The following CCDC93 variants were observed in gnomAD, a reference collection of about 807,000 sequenced individuals.
CCDC93 encodes the protein coiled-coil domain-containing protein 93.
In CCDC93, 61 loss-of-function variants were observed where a neutral mutation model predicts 108.2. That is an observed-to-expected ratio of 0.56 (90% CI 0.46 to 0.70). The LOEUF (loss-of-function observed/expected upper bound fraction) is 0.70. Among genes scored for constraint, CCDC93 ranks in the 30% least tolerant of loss-of-function variants. The pLI is 0.00. For synonymous variants in CCDC93, 276 were observed against 260.4 expected, an observed-to-expected ratio of 1.06 and a Z score of -0.58; for missense variants, 685 against 764.2, an observed-to-expected ratio of 0.90 and a Z score of 1.22.
chr2:117,941,342 C>T, intron 18 of CCDC93, 45 bp from the exon 19 acceptor site: 2 of 1,508,096 alleles, frequency 1.3e-6, no homozygotes, highest in South Asian at 2.3e-5. Context: ...TGGTAAAAGG[C>T]CTTACATGTT....
chr2:117,974,261 C>T (rs530646938), intron 10 of CCDC93, among the ~76,000 whole-genome samples: 2 of 152,216 alleles, frequency 1.3e-5, no homozygotes, highest in African/African-American at 4.8e-5. Context: ...TCCTTCCCTT[C>T]TATGTACCAC....
rs1677684788 is a variant in CCDC93 at position 117,916,316 on chromosome 2, C to T, written c.*4027G>A. The T allele has an allele frequency of 2.9e-5, 4 of 135,980 alleles. No homozygotes were observed. The Admixed American group carries it at 3.1e-4, about 10-fold the overall frequency. 8.4% of individuals were successfully genotyped at this position (135,980 alleles called of 1,614,324 possible). A position where few individuals can be genotyped will look rare whatever the true frequency, so the allele number is the denominator to read the frequency against. Reference sequence around the variant, plus strand: ...TAACATTAGTGTAGTTCTTCCCTCTCTTTTTCCCTTCTTAGGGAATAAAAA... The same window carrying T: ...TAACATTAGTGTAGTTCTTCCCTCTTTTTTTCCCTTCTTAGGGAATAAAAA... On this transcript the variant is annotated 3_prime_UTR_variant, in exon 24 of 24. Transcript: ENST00000376300.
chr2:117,999,490 T>C (rs1680766466), intron 4 of CCDC93: 2 of 152,048 alleles, frequency 1.3e-5, no homozygotes, highest in Admixed American at 6.6e-5. Flanking sequence ...TCTAATAGAG[T>C]CAGATGGGAA....
chr2:117,938,078 A>AT (rs1678577885), intron 20 of CCDC93, among the ~76,000 whole-genome samples: 1 of 152,212 alleles, frequency 6.6e-6, no homozygotes, highest in Non-Finnish European at 1.5e-5. Flanking sequence ...CCTCAAGGTG[A>AT]GGGGGAGGGT....
chr2:117,924,773 A>G (rs922500773), intron 23 of CCDC93, among the ~76,000 whole-genome samples: 24 of 152,318 alleles, frequency 1.6e-4, no homozygotes, highest in African/African-American at 5.8e-4. Context: ...TAGGAAATAC[A>G]GAGAATGCCA....
At chr2:117,947,897 T>G in intron 15 of CCDC93, 1 of 478,140 alleles carries the variant, frequency 2.1e-6, no homozygotes, top group African/African-American at 2.0e-5. Flanking sequence ...GGTTTCACAG[T>G]GTTAGCCAGG....
intron 20 of CCDC93, among the ~76,000 whole-genome samples, chr2:117,937,129 G>A (rs1265088710): frequency 1.3e-5 from 2 of 152,204 alleles, no homozygotes. Context: ...CAGCTTACGG[G>A]AGTCAGACAG....
At position 117,915,713 on chromosome 2, in the gene CCDC93, C is replaced by T. The variant is rs1052708714; in HGVS notation, c.*4630G>A. ...GCTGCCGGGCTGCTAGATATCCTCC[C>T]AGAGACATCCTAGGCATATGCAGGT... On this transcript the variant is annotated 3_prime_UTR_variant, in exon 24 of 24. Coordinates refer to ENST00000376300, the MANE Select transcript of CCDC93 (RefSeq NM_019044.5). 6.6e-6 allele frequency: 1 copy of T among 152,198 alleles called. No homozygotes were observed. Among genetic ancestry groups the T allele is most frequent in the African/African-American group, 2.4e-5 (1 of 41,456 alleles). The allele number at this position is 152,198 out of a possible 1,614,324, so 9.4% of individuals were successfully genotyped here.
intron 6 of CCDC93, 91 bp from the exon 7 acceptor site, chr2:117,986,160 CTTT>C (rs763304100): frequency 0.011 from 3,151 of 274,776 alleles, no homozygotes; most frequent in Middle Eastern, 0.016. Flanking sequence ...GGTATATTCT[CTTT>C]TTTTTTTTTT....
chr2:117,941,334 G>A (rs764621924), intron 18 of CCDC93, 37 bp from the exon 19 acceptor site: 127 of 1,542,120 alleles, frequency 8.2e-5, no homozygotes, highest in Non-Finnish European at 1.0e-4. Flanking sequence ...GTACTATTTG[G>A]TAAAAGGCCT....
At chr2:117,966,245 G>A (rs1484824477) in intron 11 of CCDC93, among the ~76,000 whole-genome samples, 1 of 152,308 alleles carries the variant, frequency 6.6e-6, no homozygotes, top group East Asian at 1.9e-4. Flanking sequence ...ATGGGCCTGG[G>A]GAGAAATCTG....
chr2:117,946,251 T>C (rs1678870894), intron 16 of CCDC93, among the ~76,000 whole-genome samples: 1 of 152,226 alleles, frequency 6.6e-6, no homozygotes, highest in Admixed American at 6.5e-5. Flanking sequence ...TCAAGTTCCC[T>C]GTTTCTTACA....
chr2:118,008,587 C>T lies in CCDC93; in HGVS notation c.114G>A (p.Gly38=). 6.8e-6 allele frequency: 11 copies of T among 1,613,534 alleles called. No homozygotes were observed. The highest frequency in any genetic ancestry group is 7.6e-6 in the Non-Finnish European group (9 of 1,179,464). ...AGCCTTTAATTCTTGCCCTGAAATA[C>T]CCAGCTGCAACCAAGAGCTCCAGAA... ...TEILELLVAA[G]YFRARIKGLS... is the part of the protein sequence containing the mutation. The change falls in exon 2 of 24, where the codon GGG becomes GGA. Residue 38 remains glycine, a synonymous_variant. Transcript: ENST00000376300.
chr2:117,987,832 T>C (rs1410445628), intron 6 of CCDC93, among the ~76,000 whole-genome samples: 1 of 152,200 alleles, frequency 6.6e-6, no homozygotes, highest in Non-Finnish European at 1.5e-5. Context: ...GTGGTAGCAA[T>C]TGTAATAGTT....
At chr2:117,938,723 T>G (rs1281453339) in intron 20 of CCDC93, among the ~76,000 whole-genome samples, 1 of 152,170 alleles carries the variant, frequency 6.6e-6, no homozygotes, top group Non-Finnish European at 1.5e-5. Context: ...AGCTGGTTCC[T>G]CCCTTCCTTT....
At chr2:117,978,724 G>T (rs1048131927) in intron 7 of CCDC93, among the ~76,000 whole-genome samples, 1 of 152,104 alleles carries the variant, frequency 6.6e-6, no homozygotes, top group Non-Finnish European at 1.5e-5. Flanking sequence ...TGAGCCAGGC[G>T]CGCTGGCTCA....
chr2:118,008,839 G>A, intron 1 of CCDC93, 181 bp from the exon 2 acceptor site: 1 of 579,116 alleles, frequency 1.7e-6, no homozygotes, highest in Non-Finnish European at 3.1e-6. Flanking sequence ...TGTTGTTGGA[G>A]TCACAAATGG....
chr2:117,922,405 T>G (rs1053491498), intron 23 of CCDC93, among the ~76,000 whole-genome samples: 1 of 152,168 alleles, frequency 6.6e-6, no homozygotes, highest in Non-Finnish European at 1.5e-5. Context: ...GAAAACTCTA[T>G]CCATGCCCAC....
At chr2:117,923,579 C>T (rs1237564309) in intron 23 of CCDC93, among the ~76,000 whole-genome samples, 1 of 152,198 alleles carries the variant, frequency 6.6e-6, no homozygotes, top group Non-Finnish European at 1.5e-5. Flanking sequence ...GGGGCACCCG[C>T]CATTTCTGAG....
Sources: gnomAD v4.1 joint callset for allele counts (sites outside exome capture counted in the v4.1 genomes callset) on GRCh38, gnomAD v4.1.1 for gene constraint, MANE v1.5 for transcripts, NCBI Gene and HGNC (gene_info 2026-07-23, HGNC 2026-07-21) for gene names.